The following PRKD1 variants were observed in gnomAD, a reference collection of about 807,000 sequenced individuals.
PRKD1 encodes the protein serine/threonine-protein kinase D1.
Under a neutral mutation model 95.9 loss-of-function variants are expected in PRKD1, and 63 were observed. The observed-to-expected ratio is 0.66, with a 90% confidence interval of 0.54 to 0.81. The LOEUF (loss-of-function observed/expected upper bound fraction) is 0.81, where lower values mean the gene tolerates loss of function less well. Among genes scored for constraint, PRKD1 ranks in the 30% least tolerant of loss-of-function variants. The probability of loss-of-function intolerance (pLI) is 0.00; values close to 1 mark genes in which losing one functional copy is unlikely to be tolerated. For missense variants in PRKD1, 1,048 were observed against 1,165.3 expected, an observed-to-expected ratio of 0.90 and a Z score of 1.47; for synonymous variants, 425 against 423.1, an observed-to-expected ratio of 1.00 and a Z score of -0.05.
chr14:29,799,912 A>AT, intron 1 of PRKD1, among the ~76,000 whole-genome samples: 1 of 152,006 alleles, frequency 6.6e-6, no homozygotes, highest in Non-Finnish European at 1.5e-5. Flanking sequence ...TTAATGCCAC[A>AT]TTTTTTGCAT....
chr14:29,608,814 T>C, intron 13 of PRKD1, among the ~76,000 whole-genome samples: 1 of 152,212 alleles, frequency 6.6e-6, no homozygotes, highest in East Asian at 1.9e-4. Context: ...TGTCCCCGTT[T>C]CATCTTCAGT....
intron 7 of PRKD1, 102 bp downstream of exon 7, chr14:29,636,188 C>A (rs1594382963): frequency 7.2e-6 from 10 of 1,382,668 alleles, no homozygotes; most frequent in Non-Finnish European, 1.0e-5. Flanking sequence ...TAAACGTGCA[C>A]TTCACATTTC....
chr14:29,615,923 G>T (rs1878822585), intron 13 of PRKD1, among the ~76,000 whole-genome samples: 1 of 152,150 alleles, frequency 6.6e-6, no homozygotes, highest in Non-Finnish European at 1.5e-5. Context: ...AGGCTGATTG[G>T]TTTCGGGTGA....
intron 1 of PRKD1, among the ~76,000 whole-genome samples, chr14:29,774,713 T>C (rs1594505808): frequency 6.6e-6 from 1 of 151,382 alleles, no homozygotes; most frequent in Non-Finnish European, 1.5e-5. Context: ...TATCTTCATT[T>C]AAAGAGGAGG....
chr14:29,805,003 T>C (rs1480189903), intron 1 of PRKD1, among the ~76,000 whole-genome samples: 1 of 152,226 alleles, frequency 6.6e-6, no homozygotes, highest in African/African-American at 2.4e-5. Flanking sequence ...TTCTTCCTAT[T>C]TCCCTAGAGC....
chr14:29,634,395 A>C, intron 8 of PRKD1, 23 bp downstream of exon 8: 1 of 1,613,832 alleles, frequency 6.2e-7, no homozygotes, highest in East Asian at 2.2e-5. Flanking sequence ...AGGCAAGAGA[A>C]CATTGTTCCC....
At chr14:29,675,910 A>T (rs1449935790) in intron 2 of PRKD1, among the ~76,000 whole-genome samples, 4 of 146,960 alleles carry the variant, frequency 2.7e-5, no homozygotes, top group African/African-American at 5.0e-5. Flanking sequence ...GTTCTCACTC[A>T]TAGGTGGGAA....
chr14:29,598,117 A>G (rs1278304514), intron 15 of PRKD1, among the ~76,000 whole-genome samples: 1 of 151,834 alleles, frequency 6.6e-6, no homozygotes, highest in Non-Finnish European at 1.5e-5. Context: ...CTCTACAAAA[A>G]ATTAAAAAAT....
At chr14:29,922,807 G>C (rs955612195) in intron 1 of PRKD1, among the ~76,000 whole-genome samples, 2 of 152,172 alleles carry the variant, frequency 1.3e-5, no homozygotes, top group Non-Finnish European at 2.9e-5. Flanking sequence ...GATCACATTA[G>C]CCAAGACTTT....
intron 16 of PRKD1, among the ~76,000 whole-genome samples, chr14:29,585,970 T>C (rs997855907): frequency 6.6e-6 from 1 of 152,224 alleles, no homozygotes. Flanking sequence ...CTCTTTTACA[T>C]ACATATGAAA....
intron 1 of PRKD1, among the ~76,000 whole-genome samples, chr14:29,878,623 A>G (rs1487295579): frequency 6.6e-6 from 1 of 152,226 alleles, no homozygotes; most frequent in Non-Finnish European, 1.5e-5. Flanking sequence ...TGAGCCTTGA[A>G]AACATTACAC....
At chr14:29,584,233 C>G (rs187374563) in intron 16 of PRKD1, among the ~76,000 whole-genome samples, 2 of 152,248 alleles carry the variant, frequency 1.3e-5, no homozygotes, top group East Asian at 3.9e-4. Flanking sequence ...AACTATACTG[C>G]AGTCATTCTC....
At chr14:29,801,487 G>T (rs528446851) in intron 1 of PRKD1, among the ~76,000 whole-genome samples, 16 of 152,276 alleles carry the variant, frequency 1.1e-4, no homozygotes, top group South Asian at 8.3e-4. Context: ...CAATCGCCTT[G>T]ATCTTCAATC....
Position 29,725,583 on chromosome 14 carries a change from G to C in PRKD1, c.356C>G (p.Ala119Gly). 6.2e-7 allele frequency: 1 copy of C among 1,613,696 alleles called. No homozygotes were observed. The highest frequency in any genetic ancestry group is 1.1e-5 in the South Asian group (1 of 91,068). ...ATCGCCTTCCTGGATATCACTGGCC[G>C]CTTTCACCAGCTGAAGGATGTTTTC... ...TSENILQLVKAASDIQEGDLI... is the reference protein window; with the variant it reads ...TSENILQLVKGASDIQEGDLI... The change falls in exon 2 of 18, where the codon GCG becomes GGG. Residue 119 changes from alanine (A) to glycine (G), a missense_variant. Ala to Gly is a moderately conservative substitution (Grantham distance 60). Coordinates refer to ENST00000331968, the MANE Select transcript of PRKD1 (RefSeq NM_002742.3).
In PRKD1 at chr14:29,634,466, T is replaced by C; in HGVS notation, c.1266A>G (p.Thr422=). ...GGACCATCCATCCTTCTTTCATGAC[T>C]GTGCTGCTTTTCCTCTTCGTGTGTT... ...SVKHTKRKSS[T]VMKEGWMVHY... The change falls in exon 8 of 18, where the codon ACA becomes ACG. Residue 422 remains threonine (T), a synonymous_variant. Coordinates refer to ENST00000331968, the MANE Select transcript of PRKD1 (RefSeq NM_002742.3). 1 of 1,614,122 alleles carries C rather than the reference T, an allele frequency of 6.2e-7. No individual in the cohort carries two copies. The highest frequency in any genetic ancestry group is 8.5e-7 in the Non-Finnish European group (1 of 1,179,978).
chr14:29,837,067 G>A (rs1891637479), intron 1 of PRKD1, among the ~76,000 whole-genome samples: 2 of 152,036 alleles, frequency 1.3e-5, no homozygotes, highest in East Asian at 1.9e-4. Context: ...TTATATCTAT[G>A]GCTGGATTAA....
chr14:29,862,729 T>C (rs780764157), intron 1 of PRKD1, among the ~76,000 whole-genome samples: 1 of 152,234 alleles, frequency 6.6e-6, no homozygotes, highest in Non-Finnish European at 1.5e-5. Flanking sequence ...TTTTTTCCTA[T>C]AGAGTTGTGT....
chr14:29,672,356 T>TA, intron 2 of PRKD1, among the ~76,000 whole-genome samples: 1 of 149,602 alleles, frequency 6.7e-6, no homozygotes, highest in South Asian at 2.1e-4. Flanking sequence ...AAAAATAAAA[T>TA]AAAATAAAAT....
At chr14:29,925,467 G>A (rs1895264235) in intron 1 of PRKD1, among the ~76,000 whole-genome samples, 1 of 152,120 alleles carries the variant, frequency 6.6e-6, no homozygotes, top group Non-Finnish European at 1.5e-5. Context: ...CTGCAGGCCT[G>A]CTGCATTCCA....
Sources: gnomAD v4.1 joint callset for allele counts (sites outside exome capture counted in the v4.1 genomes callset) on GRCh38, gnomAD v4.1.1 for gene constraint, MANE v1.5 for transcripts, NCBI Gene and HGNC (gene_info 2026-07-23, HGNC 2026-07-21) for gene names.